The following MTMR9 variants were observed in gnomAD, a reference collection of about 807,000 sequenced individuals.
The protein encoded by MTMR9 is myotubularin-related protein 9.
In MTMR9, 39 loss-of-function variants were observed where a neutral mutation model predicts 69.5. The ratio of observed to expected loss-of-function variants is 0.56; its 90% CI spans 0.43 to 0.73. The LOEUF (loss-of-function observed/expected upper bound fraction) is 0.73. Among genes scored for constraint, MTMR9 ranks in the 30% least tolerant of loss-of-function variants. MTMR9 has a pLI of 0.00. For missense variants in MTMR9, 900 were observed against 671.2 expected, an observed-to-expected ratio of 1.34 and a Z score of -3.77; for synonymous variants, 354 against 240.8, an observed-to-expected ratio of 1.47 and a Z score of -4.35.
At chr8:11,335,269 G>C in the MTMR9 span, among the ~76,000 whole-genome samples, 1 of 152,150 alleles carries the variant, frequency 6.6e-6, no homozygotes, top group South Asian at 2.1e-4. Flanking sequence ...TTTCCTATCT[G>C]TCAGCAATGA....
chr8:11,300,002 T>A, intron 2 of MTMR9, 21 bp from the exon 3 acceptor site: 1 of 1,599,630 alleles, frequency 6.3e-7, no homozygotes, highest in South Asian at 1.1e-5. Flanking sequence ...TTTTTTGTCT[T>A]TCTTTTCTTT....
At chr8:11,319,104 T>TA (rs922392358) in intron 8 of MTMR9, 415 of 144,138 alleles carry the variant, frequency 2.9e-3, no homozygotes, top group African/African-American at 6.2e-3. Context: ...AATAAAAAAT[T>TA]AAAAAAAAAA....
chr8:11,330,390 G>A (rs1015977549), downstream of MTMR9, among the ~76,000 whole-genome samples: 1 of 152,194 alleles, frequency 6.6e-6, no homozygotes. Flanking sequence ...GAGCCCCTCT[G>A]CCCGGCCACC....
chr8:11,319,899 G>A, intron 9 of MTMR9, 61 bp downstream of exon 9: 2 of 1,566,594 alleles, frequency 1.3e-6, no homozygotes, highest in South Asian at 1.2e-5. Context: ...CTGCCTGTGA[G>A]TGTGTGCTGT....
the MTMR9 span, among the ~76,000 whole-genome samples, chr8:11,338,854 A>G: frequency 3.3e-5 from 5 of 152,162 alleles, no homozygotes; most frequent in Non-Finnish European, 7.3e-5. Context: ...ATTTCCTTCA[A>G]TCCTTCTCCA....
At position 11,324,510 on chromosome 8, in the gene MTMR9, A is replaced by G. The variant is rs1291840334; in HGVS notation, c.*1722A>G. ...GTGAAATGTCCATCTTAGTTTTGTTAAAAAAAAAAAAAAAAAAAGGAAACA... is the reference window on the plus strand; with the variant it reads ...GTGAAATGTCCATCTTAGTTTTGTTGAAAAAAAAAAAAAAAAAAGGAAACA... On this transcript the variant is annotated 3_prime_UTR_variant, in exon 10 of 10. Transcript: ENST00000221086. 1 of 83,990 alleles carries G rather than the reference A, an allele frequency of 1.2e-5. No individual in the cohort carries two copies. The highest frequency in any genetic ancestry group is 2.1e-5 in the Non-Finnish European group (1 of 47,944). 5.2% of individuals were successfully genotyped at this position (83,990 alleles called of 1,614,324 possible).
At chr8:11,286,688 A>AC (rs1799171718) in intron 1 of MTMR9, among the ~76,000 whole-genome samples, 1 of 149,640 alleles carries the variant, frequency 6.7e-6, no homozygotes, top group Non-Finnish European at 1.5e-5. Context: ...AAAAAAAAAA[A>AC]AAAGTCTTCA....
At chr8:11,318,521 A>G (rs1000666701) in intron 8 of MTMR9, 1 of 152,256 alleles carries the variant, frequency 6.6e-6, no homozygotes, top group Non-Finnish European at 1.5e-5. Context: ...ATTTTATAAT[A>G]AAATCTCAGC....
At chr8:11,286,102 G>C (rs1195412723) in intron 1 of MTMR9, among the ~76,000 whole-genome samples, 1 of 151,378 alleles carries the variant, frequency 6.6e-6, no homozygotes, top group Non-Finnish European at 1.5e-5. Context: ...ACAGGCACGC[G>C]CCACCACACC....
intron 6 of MTMR9, among the ~76,000 whole-genome samples, chr8:11,310,084 C>T (rs972646214): frequency 2.6e-5 from 4 of 152,196 alleles, no homozygotes; most frequent in Admixed American, 6.5e-5. Context: ...CGAAAGGAAA[C>T]GTAATTTTGT....
At chr8:11,303,113 A>G (rs1017445633) in intron 3 of MTMR9, among the ~76,000 whole-genome samples, 2 of 150,558 alleles carry the variant, frequency 1.3e-5, no homozygotes, top group East Asian at 1.9e-4. Flanking sequence ...TAAAAGTTGC[A>G]TGGAAGACCA....
intron 3 of MTMR9, chr8:11,300,591 AAAAGC>A (rs1225935823): frequency 2.6e-5 from 4 of 152,298 alleles, no homozygotes; most frequent in Middle Eastern, 3.2e-3. Context: ...GCTAGAAAAA[AAAAGC>A]AAAGTAACTA....
intron 3 of MTMR9, among the ~76,000 whole-genome samples, chr8:11,303,880 G>A (rs1799839551): frequency 6.6e-6 from 1 of 152,060 alleles, no homozygotes; most frequent in Non-Finnish European, 1.5e-5. Context: ...TTTGAAAAGT[G>A]AAAAAATTTA....
intron 2 of MTMR9, 42 bp from the exon 3 acceptor site, chr8:11,299,981 G>A: frequency 6.3e-7 from 1 of 1,595,662 alleles, no homozygotes; most frequent in Non-Finnish European, 8.5e-7. Context: ...GTTTCCAGTT[G>A]TGGATGTTTC....
chr8:11,333,027 GGAT>G (rs1482854388), downstream of MTMR9, among the ~76,000 whole-genome samples: 1 of 152,132 alleles, frequency 6.6e-6, no homozygotes, highest in East Asian at 1.9e-4. Context: ...AAGACTTGTA[GGAT>G]ACCATCAAGT....
rs1799885657 is a variant in MTMR9 at position 11,304,972 on chromosome 8, GCGCT to G, written c.550_553del (p.Arg184SerfsTer4). On this transcript the variant is annotated frameshift_variant, in exon 4 of 10. Coordinates refer to ENST00000221086, the MANE Select transcript of MTMR9 (RefSeq NM_015458.4). LOFTEE classifies it high-confidence loss of function. ...AGGTAGCTACATTTCGACATGGAGG[GCGCT>G]TCCCAGTACTAAGCTATTACCACAA... 1.2e-6 allele frequency: 2 copies of G among 1,613,976 alleles called. No individual in the cohort carries two copies. Among genetic ancestry groups the G allele is most frequent in the African/African-American group, 1.3e-5 (1 of 74,924 alleles).
At chr8:11,329,301 G>A (rs920119106), downstream of MTMR9, among the ~76,000 whole-genome samples, 2 of 152,174 alleles carry the variant, frequency 1.3e-5, no homozygotes, top group Non-Finnish European at 2.9e-5. Context: ...GCTGGAGTGG[G>A]AAGATCACTT....
At position 11,306,188 on chromosome 8, in the gene MTMR9, A is replaced by G; in HGVS notation, c.592-2A>G. 6.2e-7 allele frequency: 1 copy of G among 1,612,152 alleles called. No individual in the cohort carries two copies. The highest frequency in any genetic ancestry group is 8.5e-7 in the Non-Finnish European group (1 of 1,179,650). ...GAATTTTCAGCTTTATTATGCTTCT[A>G]GGTAATTATGCGAAGTGGTCAGCCA... is the stretch of plus-strand genomic sequence containing the variant. On this transcript the variant is annotated splice_acceptor_variant, in intron 4 of 9. Transcript: ENST00000221086. LOFTEE classifies it high-confidence loss of function.
chr8:11,308,653 C>T (rs1800063430), intron 5 of MTMR9, among the ~76,000 whole-genome samples: 1 of 152,164 alleles, frequency 6.6e-6, no homozygotes. Flanking sequence ...TCACAGTAGT[C>T]TCTTATGATC....
Sources: allele counts gnomAD v4.1 joint callset (sites outside exome capture counted in the v4.1 genomes callset), GRCh38; gene constraint gnomAD v4.1.1; transcripts MANE v1.5; gene names NCBI Gene and HGNC (gene_info 2026-07-23, HGNC 2026-07-21).